The following PLXDC2 variants were observed in gnomAD, a reference collection of about 807,000 sequenced individuals.
PLXDC2 encodes plexin domain containing 2.
A neutral mutation model predicts 68.9 loss-of-function variants in PLXDC2; 40 were observed. The observed-to-expected ratio is 0.58, with a 90% CI of 0.45 to 0.76. PLXDC2 has a LOEUF of 0.76. PLXDC2 is among the 30% of genes least tolerant of loss of function. The pLI is 0.00. For synonymous variants in PLXDC2, 243 were observed against 234.2 expected (o/e 1.04, Z -0.34); for missense variants, 644 against 661.9 (o/e 0.97, Z 0.30).
chr10:20,079,304 G>C (rs778887535), intron 4 of PLXDC2, among the ~76,000 whole-genome samples: 6 of 152,194 alleles, frequency 3.9e-5, no homozygotes, highest in Non-Finnish European at 8.8e-5. Context: ...ACTGCAATGA[G>C]ATACCAGCTC....
chr10:20,108,764 T>TA (rs1202841169), intron 4 of PLXDC2, among the ~76,000 whole-genome samples: 2 of 152,202 alleles, frequency 1.3e-5, no homozygotes, highest in Non-Finnish European at 2.9e-5. Context: ...TCTTTGACTT[T>TA]AAAACCTTCC....
intron 3 of PLXDC2, among the ~76,000 whole-genome samples, chr10:20,048,544 A>G (rs1038773516): frequency 2.6e-5 from 4 of 152,216 alleles, no homozygotes; most frequent in East Asian, 1.9e-4. Flanking sequence ...CCTTCCTACT[A>G]TGGCATTTAT....
chr10:19,859,049 C>T (rs770514953), intron 1 of PLXDC2, among the ~76,000 whole-genome samples: 44 of 141,536 alleles, frequency 3.1e-4, no homozygotes, highest in Non-Finnish European at 5.0e-4. Context: ...AGAGAGAGAG[C>T]GAGGGAGAGA....
intron 1 of PLXDC2, among the ~76,000 whole-genome samples, chr10:19,886,251 T>G (rs1192530115): frequency 1.3e-5 from 2 of 152,206 alleles, no homozygotes; most frequent in Admixed American, 1.3e-4. Flanking sequence ...AAGGAGATTT[T>G]GGGCTGAGAC....
In PLXDC2 at chr10:20,120,606, A is replaced by T. The variant is rs986897788; in HGVS notation, c.542-22689A>T. 5.9e-5 allele frequency among the ~76,000 whole-genome samples: 9 copies of T among 152,252 alleles called. No individual in the cohort carries two copies. In the South Asian group the frequency reaches 6.2e-4, roughly 11 times the overall value. ...GACCCTGTAGGAAAGGCCTCTACCT[A>T]TCCAGTGAAAGTGTCTACCTAGACT... On this transcript the variant is annotated intron_variant, in intron 4 of 13. Transcript: ENST00000377252.
At chr10:19,849,601 C>A (rs1291376022) in intron 1 of PLXDC2, among the ~76,000 whole-genome samples, 2 of 152,018 alleles carry the variant, frequency 1.3e-5, no homozygotes, top group Admixed American at 1.3e-4. Context: ...CTTCTCCTTG[C>A]CACTGCCGTG....
At chr10:20,049,874 T>C (rs902284274) in intron 3 of PLXDC2, among the ~76,000 whole-genome samples, 15 of 152,210 alleles carry the variant, frequency 9.9e-5, no homozygotes, top group African/African-American at 3.4e-4. Flanking sequence ...AAAATTCATA[T>C]GGAACCAAAA....
At chr10:19,834,354 A>AGTGT (rs113725002) in intron 1 of PLXDC2, among the ~76,000 whole-genome samples, 1,848 of 147,746 alleles carry the variant, frequency 0.013, 15 homozygotes, top group Non-Finnish European at 0.018. Flanking sequence ...AGAGAGAGAG[A>AGTGT]GTGTGTGTGT....
chr10:20,173,423 C>T (rs1037203461), intron 7 of PLXDC2, among the ~76,000 whole-genome samples: 2 of 152,108 alleles, frequency 1.3e-5, no homozygotes, highest in African/African-American at 4.8e-5. Context: ...CTAATCATGC[C>T]TCAAGGTACT....
chr10:19,864,051 G>A (rs1200953829), intron 1 of PLXDC2, among the ~76,000 whole-genome samples: 1 of 152,154 alleles, frequency 6.6e-6, no homozygotes, highest in African/African-American at 2.4e-5. Flanking sequence ...GTCTCACTCT[G>A]TTGCTCAGGC....
At chr10:20,225,371 T>C (rs1564359589) in intron 12 of PLXDC2, among the ~76,000 whole-genome samples, 1 of 152,188 alleles carries the variant, frequency 6.6e-6, no homozygotes, top group Non-Finnish European at 1.5e-5. Flanking sequence ...CTACTTTTTG[T>C]TGATTTTTTT....
At chr10:20,210,651 G>A (rs573748562) in intron 9 of PLXDC2, among the ~76,000 whole-genome samples, 49 of 152,208 alleles carry the variant, frequency 3.2e-4, no homozygotes, top group African/African-American at 6.7e-4. Context: ...AGAAAGACTC[G>A]CAGAACTCAG....
Position 19,836,547 on chromosome 10 carries a change from A to G in PLXDC2, c.112+19356A>G, listed in dbSNP as rs2131313840. Among the ~76,000 whole-genome samples the G allele has an allele frequency of 2.0e-5, 3 of 152,322 alleles. No homozygotes were observed. The South Asian group carries it at 6.2e-4, about 32-fold the overall frequency. On this transcript the variant is annotated intron_variant, in intron 1 of 13. Transcript: ENST00000377252. ...GTCCTTAAATCCATGAAATCACTCA[A>G]ATAGAATCAAGTTTGTTGGAAAGAG...
chr10:20,081,788 C>T (rs961162520), intron 4 of PLXDC2, among the ~76,000 whole-genome samples: 3 of 151,074 alleles, frequency 2.0e-5, no homozygotes, highest in Non-Finnish European at 4.4e-5. Context: ...TGCCTGTAAT[C>T]CCAGCACTTT....
chr10:20,222,947 G>A (rs111365820), intron 12 of PLXDC2, among the ~76,000 whole-genome samples: 255 of 152,298 alleles, frequency 1.7e-3, no homozygotes, highest in Middle Eastern at 3.4e-3. Context: ...GGTATAATCA[G>A]ATAGTTTATC....
At chr10:19,818,909 A>G (rs879612366) in intron 1 of PLXDC2, among the ~76,000 whole-genome samples, 3 of 152,130 alleles carry the variant, frequency 2.0e-5, no homozygotes, top group Non-Finnish European at 4.4e-5. Context: ...TTATTTAAAA[A>G]CTTCTTTGGC....
intron 12 of PLXDC2, among the ~76,000 whole-genome samples, chr10:20,221,154 T>A (rs987485206): frequency 6.6e-6 from 1 of 152,088 alleles, no homozygotes; most frequent in Non-Finnish European, 1.5e-5. Flanking sequence ...ACACTTTTTT[T>A]ATGAGTAGTA....
chr10:20,227,883 T>G (rs546043846), intron 12 of PLXDC2, among the ~76,000 whole-genome samples: 28 of 152,248 alleles, frequency 1.8e-4, no homozygotes, highest in Non-Finnish European at 2.9e-5. Flanking sequence ...AAAGTAGTAG[T>G]TGACCATGGG....
In PLXDC2 at chr10:20,001,754, T is replaced by A. The variant is rs374448690; in HGVS notation, c.113-21T>A. On this transcript the variant is annotated intron_variant, in intron 1 of 13. Transcript: ENST00000377252. ...GGTACACATAATGAGTGGTAACCCA[T>A]TTTCTTTCTTTTTCAAACAGATTGG... The A allele has an allele frequency of 1.4e-4, 225 of 1,608,970 alleles. 1 individual carries two copies. The highest frequency in any genetic ancestry group is 6.3e-4 in the Admixed American group (38 of 59,970).
Sources: gnomAD v4.1 joint callset for allele counts (sites outside exome capture counted in the v4.1 genomes callset) on GRCh38, gnomAD v4.1.1 for gene constraint, MANE v1.5 for transcripts, NCBI Gene and HGNC (gene_info 2026-07-23, HGNC 2026-07-21) for gene names.